SMYD3: variants seen among roughly 807,000 people sequenced by gnomAD.
The protein encoded by SMYD3 is SET and MYND domain containing 3.
Under a neutral mutation model 57.7 loss-of-function variants are expected in SMYD3, and 36 were observed. The observed-to-expected ratio is 0.62, with a 90% CI of 0.48 to 0.82. SMYD3 has a LOEUF of 0.82. Among genes scored for constraint, SMYD3 ranks in the 40% least tolerant of loss-of-function variants. The probability of loss-of-function intolerance (pLI) is 0.00; values close to 1 mark genes in which losing one functional copy is unlikely to be tolerated. For missense variants in SMYD3, 515 were observed against 538.8 expected, an observed-to-expected ratio of 0.96 and a Z score of 0.44; for synonymous variants, 211 against 195.0, an observed-to-expected ratio of 1.08 and a Z score of -0.68.
At chr1:245,760,310 C>T (rs1004234217) in intron 11 of SMYD3, among the ~76,000 whole-genome samples, 24 of 152,144 alleles carry the variant, frequency 1.6e-4, no homozygotes, top group African/African-American at 5.1e-4. Flanking sequence ...CGAGGGTGCC[C>T]GTCTGAAGAT....
chr1:245,754,760 A>G (rs1420400662), intron 11 of SMYD3, among the ~76,000 whole-genome samples: 1 of 152,150 alleles, frequency 6.6e-6, no homozygotes, highest in African/African-American at 2.4e-5. Flanking sequence ...CCATTCATTC[A>G]CTCAATACTG....
At chr1:245,818,266 A>C (rs1558382717) in intron 10 of SMYD3, among the ~76,000 whole-genome samples, 1 of 152,214 alleles carries the variant, frequency 6.6e-6, no homozygotes, top group Non-Finnish European at 1.5e-5. Context: ...AAGAATTTTC[A>C]ACCCAGAATT....
chr1:246,003,723 G>A (rs1256958478), intron 5 of SMYD3, among the ~76,000 whole-genome samples: 1 of 152,160 alleles, frequency 6.6e-6, no homozygotes, highest in East Asian at 1.9e-4. Context: ...TCAATGTCAT[G>A]AAGCATTAAA....
intron 5 of SMYD3, among the ~76,000 whole-genome samples, chr1:246,064,100 T>G (rs2060301376): frequency 6.6e-6 from 1 of 152,196 alleles, no homozygotes; most frequent in Non-Finnish European, 1.5e-5. Flanking sequence ...GTAACTTCCC[T>G]GTACTCCCTT....
At chr1:245,921,313 C>G (rs1338560606) in intron 7 of SMYD3, among the ~76,000 whole-genome samples, 1 of 152,130 alleles carries the variant, frequency 6.6e-6, no homozygotes, top group Admixed American at 6.5e-5. Flanking sequence ...AAAGGGAACA[C>G]TTATACACTA....
intron 1 of SMYD3, among the ~76,000 whole-genome samples, chr1:246,412,433 G>T (rs180745221): frequency 2.0e-5 from 3 of 151,522 alleles, no homozygotes; most frequent in Non-Finnish European, 2.9e-5. Context: ...CCTTCTATTT[G>T]TTTCTGTAAT....
chr1:246,031,630 G>C (rs184055327), intron 5 of SMYD3, among the ~76,000 whole-genome samples: 1 of 151,886 alleles, frequency 6.6e-6, no homozygotes, highest in Non-Finnish European at 1.5e-5. Flanking sequence ...CCAGCTACTC[G>C]GGAGGCTGAG....
chr1:246,361,634 T>C (rs2065988358), intron 1 of SMYD3, among the ~76,000 whole-genome samples: 1 of 152,106 alleles, frequency 6.6e-6, no homozygotes, highest in Admixed American at 6.5e-5. Context: ...AACAAAATAA[T>C]GGCATTCGCA....
intron 1 of SMYD3, among the ~76,000 whole-genome samples, chr1:246,410,752 C>A (rs369539711): frequency 6.6e-6 from 1 of 152,082 alleles, no homozygotes; most frequent in Non-Finnish European, 1.5e-5. Context: ...ATGGTACCAG[C>A]TCCTCCTTGT....
intron 8 of SMYD3, among the ~76,000 whole-genome samples, chr1:245,912,612 A>G (rs1316483713): frequency 6.6e-6 from 1 of 152,232 alleles, no homozygotes; most frequent in Non-Finnish European, 1.5e-5. Flanking sequence ...AATATCCCAC[A>G]AAGTTATACT....
At position 245,858,511 on chromosome 1, in the gene SMYD3, G is replaced by A. The variant is rs772834603; in HGVS notation, c.1061C>T (p.Thr354Ile). 5 of 1,613,894 alleles carry A rather than the reference G, an allele frequency of 3.1e-6. No homozygotes were observed. In the African/African-American group the frequency reaches 5.3e-5, roughly 17 times the overall value. ...LEEALFYGTRTMEPYRIFFPG... is the reference protein window; with the variant it reads ...LEEALFYGTRIMEPYRIFFPG... ...TGGGACTTGCCTGTATGGCTCCATG[G>A]TCCGAGTACCATAGAACAAGGCTTC... Residue 354 changes from threonine (T) to isoleucine (I), a missense_variant, in exon 10 of 12, where the codon ACC (threonine) becomes ATC (isoleucine). By Grantham distance (89) the Thr-to-Ile change is moderately conservative (BLOSUM62 -1). Transcript: ENST00000490107.
intron 1 of SMYD3, among the ~76,000 whole-genome samples, chr1:246,475,479 C>G (rs768226265): frequency 6.6e-6 from 1 of 151,876 alleles, no homozygotes; most frequent in Non-Finnish European, 1.5e-5. Flanking sequence ...ACCACCTCTA[C>G]TAAAAATACA....
At chr1:245,863,348 T>C (rs892309434) in intron 9 of SMYD3, among the ~76,000 whole-genome samples, 11 of 152,136 alleles carry the variant, frequency 7.2e-5, no homozygotes, top group Non-Finnish European at 1.0e-4. Context: ...GCTGAGAAAA[T>C]GTGTCGTGCA....
Position 245,955,194 on chromosome 1 carries a change from C to T in SMYD3, c.532-25257G>A, listed in dbSNP as rs570136217. ...GCAAGTTCCGCCTCCCGGGTTCACG[C>T]CATTCTCCTGCCTCAGCCTCCTGAG... On this transcript the variant is annotated intron_variant, in intron 5 of 11. Transcript: ENST00000490107. 8.8e-4 allele frequency among the ~76,000 whole-genome samples: 134 copies of T among 152,298 alleles called. 1 individual carries two copies. The highest frequency in any genetic ancestry group is 3.2e-3 in the African/African-American group (131 of 41,558).
chr1:246,138,286 A>G (rs552727433), intron 5 of SMYD3, among the ~76,000 whole-genome samples: 1 of 152,278 alleles, frequency 6.6e-6, no homozygotes, highest in Non-Finnish European at 1.5e-5. Context: ...AGATATTTGC[A>G]TTAAAACAGT....
At chr1:246,340,925 C>T (rs1265622254) in intron 2 of SMYD3, among the ~76,000 whole-genome samples, 1 of 151,822 alleles carries the variant, frequency 6.6e-6, no homozygotes. Flanking sequence ...GAGGTCGAGA[C>T]TACAGTGAGC....
intron 5 of SMYD3, among the ~76,000 whole-genome samples, chr1:246,115,656 C>A (rs2061330803): frequency 6.6e-6 from 1 of 152,174 alleles, no homozygotes; most frequent in African/African-American, 2.4e-5. Context: ...TTTCACTGGA[C>A]AGTTGTCCCC....
At chr1:245,801,724 TAA>T (rs35820552) in intron 10 of SMYD3, among the ~76,000 whole-genome samples, 23,551 of 145,458 alleles carry the variant, frequency 0.16, 2,268 homozygotes, top group East Asian at 0.42. Flanking sequence ...CAGGATTTGT[TAA>T]AAAAAAAAAA....
chr1:246,042,315 A>T (rs1350415208), intron 5 of SMYD3, among the ~76,000 whole-genome samples: 1 of 152,236 alleles, frequency 6.6e-6, no homozygotes, highest in Non-Finnish European at 1.5e-5. Flanking sequence ...GATTGGAAAC[A>T]AATTAATATG....
Sources: allele counts gnomAD v4.1 joint callset (sites outside exome capture counted in the v4.1 genomes callset), GRCh38; gene constraint gnomAD v4.1.1; transcripts MANE v1.5; gene names NCBI Gene and HGNC (gene_info 2026-07-23, HGNC 2026-07-21).